The following LRMDA variants were observed in gnomAD, a reference collection of about 807,000 sequenced individuals.
LRMDA encodes the protein leucine rich melanocyte differentiation associated.
A neutral mutation model predicts 29.8 loss-of-function variants in LRMDA; 18 were observed. That is an observed-to-expected ratio of 0.60 (90% confidence interval 0.42 to 0.90). The LOEUF is 0.90. LRMDA is among the 40% of genes least tolerant of loss of function. The pLI is 0.00. For synonymous variants in LRMDA, 125 were observed against 109.4 expected, an observed-to-expected ratio of 1.14 and a Z score of -0.89; for missense variants, 273 against 273.9, an observed-to-expected ratio of 1.00 and a Z score of 0.02.
At chr10:76,171,559 T>C (rs1354289215) in intron 5 of LRMDA, among the ~76,000 whole-genome samples, 6 of 152,198 alleles carry the variant, frequency 3.9e-5, no homozygotes, top group Admixed American at 6.5e-5. Flanking sequence ...GCCCCTCCAC[T>C]ACCCACTGCT....
At chr10:75,578,502 T>C (rs1589191519) in intron 2 of LRMDA, among the ~76,000 whole-genome samples, 1 of 151,750 alleles carries the variant, frequency 6.6e-6, no homozygotes, top group African/African-American at 2.4e-5. Flanking sequence ...AGACAGAAAA[T>C]TAACAAGGAT....
chr10:76,388,822 G>A (rs1191612671), intron 6 of LRMDA, among the ~76,000 whole-genome samples: 2 of 152,186 alleles, frequency 1.3e-5, no homozygotes, highest in Admixed American at 1.3e-4. Flanking sequence ...AATTCATGAG[G>A]TAAGTAGTAT....
intron 2 of LRMDA, among the ~76,000 whole-genome samples, chr10:75,891,676 G>A (rs1845493976): frequency 6.6e-6 from 1 of 152,190 alleles, no homozygotes; most frequent in Non-Finnish European, 1.5e-5. Flanking sequence ...TGATCACTCT[G>A]GTTGGTGGAT....
intron 2 of LRMDA, chr10:75,742,608 G>T (rs1171910276): frequency 1.3e-5 from 2 of 152,242 alleles, no homozygotes; most frequent in African/African-American, 4.8e-5. Context: ...GAAGCCTCTG[G>T]AAGGACTCAT....
At chr10:75,848,848 C>T (rs562424030) in intron 2 of LRMDA, among the ~76,000 whole-genome samples, 18 of 152,186 alleles carry the variant, frequency 1.2e-4, no homozygotes, top group African/African-American at 3.6e-4. Context: ...AAAAGTGGCT[C>T]GTTTTGCCCT....
chr10:76,261,489 A>G (rs1839943508), intron 5 of LRMDA, among the ~76,000 whole-genome samples: 1 of 152,134 alleles, frequency 6.6e-6, no homozygotes, highest in Non-Finnish European at 1.5e-5. Context: ...GGTTCTAAAA[A>G]AAAAATGACA....
At chr10:76,075,546 A>G (rs910901027) in intron 5 of LRMDA, among the ~76,000 whole-genome samples, 3 of 152,236 alleles carry the variant, frequency 2.0e-5, no homozygotes, top group Non-Finnish European at 2.9e-5. Context: ...AGCAGCTCAA[A>G]TGAGTGCTCC....
chr10:75,726,603 A>G (rs1231812371), intron 2 of LRMDA, among the ~76,000 whole-genome samples: 2 of 152,170 alleles, frequency 1.3e-5, no homozygotes, highest in Non-Finnish European at 2.9e-5. Context: ...GGAGGGAAGC[A>G]CTCATCTCAT....
chr10:76,199,018 A>G (rs1327307355), intron 5 of LRMDA, among the ~76,000 whole-genome samples: 1 of 152,166 alleles, frequency 6.6e-6, no homozygotes, highest in Non-Finnish European at 1.5e-5. Context: ...ATCTTCATTC[A>G]CAGCCAAAAT....
intron 2 of LRMDA, among the ~76,000 whole-genome samples, chr10:75,459,585 C>T (rs912348344): frequency 6.6e-6 from 1 of 152,144 alleles, no homozygotes; most frequent in African/African-American, 2.4e-5. Context: ...ATAGAAAGCC[C>T]ATTATGGAAT....
intron 6 of LRMDA, among the ~76,000 whole-genome samples, chr10:76,386,931 T>G (rs113834009): frequency 1.3e-3 from 197 of 152,170 alleles, no homozygotes; most frequent in Non-Finnish European, 2.2e-3. Context: ...GAAATGCAAG[T>G]AAACATAAAA....
intron 6 of LRMDA, among the ~76,000 whole-genome samples, chr10:76,332,299 T>TTTAA (rs1840914045): frequency 6.6e-6 from 1 of 152,254 alleles, no homozygotes; most frequent in African/African-American, 2.4e-5. Flanking sequence ...AGCCAGGAAC[T>TTTAA]TTAAGCAACC....
intron 6 of LRMDA, among the ~76,000 whole-genome samples, chr10:76,476,059 C>G (rs547751968): frequency 5.5e-4 from 83 of 152,154 alleles, no homozygotes; most frequent in African/African-American, 1.8e-3. Flanking sequence ...CAGAGCAGAA[C>G]TGAAGGAGAT....
intron 6 of LRMDA, among the ~76,000 whole-genome samples, chr10:76,478,202 C>T (rs1316650005): frequency 6.6e-6 from 1 of 151,410 alleles, no homozygotes; most frequent in Non-Finnish European, 1.5e-5. Flanking sequence ...AACAAATTTA[C>T]AAGAAAAAAA....
At chr10:76,503,173 TTC>T (rs1435168826) in intron 6 of LRMDA, among the ~76,000 whole-genome samples, 1 of 152,048 alleles carries the variant, frequency 6.6e-6, no homozygotes, top group Non-Finnish European at 1.5e-5. Flanking sequence ...TTGGTTTTAA[TTC>T]TGTTTATGTG....
At chr10:76,087,518 T>C (rs1045920477) in intron 5 of LRMDA, among the ~76,000 whole-genome samples, 1 of 152,202 alleles carries the variant, frequency 6.6e-6, no homozygotes, top group African/African-American at 2.4e-5. Flanking sequence ...AGGTTAGTCA[T>C]ACAGGATCAT....
intron 2 of LRMDA, among the ~76,000 whole-genome samples, chr10:75,740,105 A>T (rs1842811356): frequency 6.6e-6 from 1 of 152,254 alleles, no homozygotes; most frequent in Admixed American, 6.5e-5. Context: ...AAAAACGTTT[A>T]TGTACAGCCA....
chr10:76,335,629 C>T (rs1840957912), intron 6 of LRMDA, among the ~76,000 whole-genome samples: 1 of 152,086 alleles, frequency 6.6e-6, no homozygotes, highest in African/African-American at 2.4e-5. Context: ...GTAAGATATA[C>T]ATTGGTTTGG....
intron 2 of LRMDA, among the ~76,000 whole-genome samples, chr10:75,545,068 C>T (rs1840062278): frequency 6.6e-6 from 1 of 152,048 alleles, no homozygotes; most frequent in South Asian, 2.1e-4. Context: ...GCATTCTCCC[C>T]CACTCTTTGG....
Sources: allele counts gnomAD v4.1 joint callset (sites outside exome capture counted in the v4.1 genomes callset), GRCh38; gene constraint gnomAD v4.1.1; transcripts MANE v1.5; gene names NCBI Gene and HGNC (gene_info 2026-07-23, HGNC 2026-07-21).